MDGA2: variants seen among roughly 807,000 people sequenced by gnomAD.
The protein encoded by MDGA2 is MAM domain-containing glycosylphosphatidylinositol anchor protein 2.
Under a neutral mutation model 117.8 loss-of-function variants are expected in MDGA2, and 40 were observed. The ratio of observed to expected loss-of-function variants is 0.34; its 90% CI spans 0.26 to 0.44. The LOEUF is 0.44. Among genes scored for constraint, MDGA2 ranks in the 20% least tolerant of loss-of-function variants. The pLI is 1.00. For synonymous variants in MDGA2, 452 were observed against 439.0 expected (o/e 1.03, Z -0.37); for missense variants, 1,123 against 1,250.6 (o/e 0.90, Z 1.54).
intron 1 of MDGA2, among the ~76,000 whole-genome samples, chr14:47,483,049 A>G (rs1004295890): frequency 2.0e-5 from 3 of 152,092 alleles, no homozygotes; most frequent in Non-Finnish European, 4.4e-5. Context: ...CTGACATTTT[A>G]TGACATACTT....
intron 1 of MDGA2, among the ~76,000 whole-genome samples, chr14:47,561,329 C>G (rs1242222624): frequency 6.6e-6 from 1 of 151,614 alleles, no homozygotes; most frequent in Non-Finnish European, 1.5e-5. Flanking sequence ...GGCAGCATAG[C>G]CATTTTAACG....
intron 8 of MDGA2, among the ~76,000 whole-genome samples, chr14:47,024,359 A>C (rs1888398056): frequency 6.6e-6 from 1 of 152,216 alleles, no homozygotes; most frequent in Admixed American, 6.5e-5. Flanking sequence ...ATATGGCTTC[A>C]AACACTGGAT....
At chr14:47,224,625 C>G (rs1477333154) in intron 2 of MDGA2, among the ~76,000 whole-genome samples, 2 of 152,120 alleles carry the variant, frequency 1.3e-5, no homozygotes, top group East Asian at 3.9e-4. Context: ...ATTATTTGTA[C>G]TCTGAAGGAA....
chr14:47,145,661 T>C (rs1282272217), intron 3 of MDGA2, among the ~76,000 whole-genome samples: 4 of 152,166 alleles, frequency 2.6e-5, no homozygotes, highest in Non-Finnish European at 5.9e-5. Flanking sequence ...AATTTCCTTG[T>C]CAGCAGATCG....
chr14:47,385,824 T>G (rs2138427020), intron 1 of MDGA2, among the ~76,000 whole-genome samples: 1 of 152,316 alleles, frequency 6.6e-6, no homozygotes. Context: ...TGATAGCAAC[T>G]GAGGCAGTTG....
At position 46,947,853 on chromosome 14, in the gene MDGA2, GTTA is replaced by G. The variant is rs532919899; in HGVS notation, c.2089+9518_2089+9520del. On this transcript the variant is annotated intron_variant, in intron 9 of 16. Coordinates refer to ENST00000399232, the MANE Select transcript of MDGA2 (RefSeq NM_001113498.3). ...TTTCTAATTTAAAAAAAAAATCTCA[GTTA>G]TTATTTTTTTCATTTAATTTTATTT... 2.8e-3 allele frequency among the ~76,000 whole-genome samples: 425 copies of G among 151,756 alleles called. 3 individuals are homozygous for G. The highest frequency in any genetic ancestry group is 0.01 in the African/African-American group (416 of 41,382).
chr14:47,378,256 G>GA (rs1484408526), intron 1 of MDGA2, among the ~76,000 whole-genome samples: 2 of 152,108 alleles, frequency 1.3e-5, no homozygotes, highest in African/African-American at 2.4e-5. Flanking sequence ...CAAAGATGGG[G>GA]AAAAAACAGA....
At chr14:47,444,425 G>T in intron 1 of MDGA2, 1 of 192,756 alleles carries the variant, frequency 5.2e-6, no homozygotes, top group South Asian at 1.1e-4. Flanking sequence ...ATAAGAACCT[G>T]ATGTTTGCCT....
chr14:47,612,067 G>A (rs772194052), intron 1 of MDGA2, among the ~76,000 whole-genome samples: 3 of 152,122 alleles, frequency 2.0e-5, no homozygotes, highest in Non-Finnish European at 4.4e-5. Context: ...AGAAACTCCG[G>A]CTATCTTATC....
At chr14:47,597,515 C>T (rs890834049) in intron 1 of MDGA2, among the ~76,000 whole-genome samples, 1 of 151,884 alleles carries the variant, frequency 6.6e-6, no homozygotes, top group African/African-American at 2.4e-5. Flanking sequence ...TCATGGAATA[C>T]ATTAAGTCTT....
intron 10 of MDGA2, among the ~76,000 whole-genome samples, chr14:46,907,001 G>A (rs1223002079): frequency 2.6e-5 from 3 of 114,826 alleles, no homozygotes; most frequent in East Asian, 2.7e-4. Flanking sequence ...TTTTTGAGAC[G>A]AGTCTTGCTC....
At chr14:46,965,219 G>C (rs1885980683) in intron 8 of MDGA2, among the ~76,000 whole-genome samples, 2 of 120,250 alleles carry the variant, frequency 1.7e-5, no homozygotes, top group South Asian at 2.6e-4. Flanking sequence ...CACCGCGCCC[G>C]GCCTATATTT....
At chr14:47,346,512 A>G (rs778009767) in intron 1 of MDGA2, among the ~76,000 whole-genome samples, 6 of 152,168 alleles carry the variant, frequency 3.9e-5, no homozygotes, top group Non-Finnish European at 8.8e-5. Context: ...TTTCTTTCTG[A>G]CCTTGGACAA....
intron 8 of MDGA2, among the ~76,000 whole-genome samples, chr14:46,986,832 T>G (rs923451249): frequency 2.0e-4 from 31 of 152,106 alleles, no homozygotes; most frequent in Non-Finnish European, 3.4e-4. Context: ...ACCTGCCAAG[T>G]GTGTCTGATT....
At chr14:47,175,005 A>G (rs1884369488) in intron 3 of MDGA2, among the ~76,000 whole-genome samples, 3 of 152,186 alleles carry the variant, frequency 2.0e-5, no homozygotes, top group South Asian at 4.1e-4. Flanking sequence ...CTACCATCAG[A>G]GAATACTACA....
chr14:47,142,108 C>G (rs1882745319), intron 4 of MDGA2, among the ~76,000 whole-genome samples: 1 of 152,056 alleles, frequency 6.6e-6, no homozygotes, highest in Admixed American at 6.6e-5. Context: ...GGCCAAGGCC[C>G]CTGTGTTCAT....
chr14:47,291,768 G>A (rs1469753445), intron 2 of MDGA2, among the ~76,000 whole-genome samples: 1 of 152,142 alleles, frequency 6.6e-6, no homozygotes, highest in Non-Finnish European at 1.5e-5. Flanking sequence ...TAAGATTTCT[G>A]CTGAATGCTT....
intron 1 of MDGA2, among the ~76,000 whole-genome samples, chr14:47,608,439 T>C (rs1209563171): frequency 1.3e-5 from 2 of 152,146 alleles, no homozygotes; most frequent in African/African-American, 4.8e-5. Flanking sequence ...GAGAAAATTC[T>C]AAGTGAGGCT....
At chr14:47,158,417 G>A (rs1883498099) in intron 3 of MDGA2, among the ~76,000 whole-genome samples, 1 of 149,734 alleles carries the variant, frequency 6.7e-6, no homozygotes, top group Admixed American at 6.6e-5. Context: ...CGCATATAAT[G>A]TATACAGATT....
Sources: allele counts gnomAD v4.1 joint callset (sites outside exome capture counted in the v4.1 genomes callset), GRCh38; gene constraint gnomAD v4.1.1; transcripts MANE v1.5; gene names NCBI Gene and HGNC (gene_info 2026-07-23, HGNC 2026-07-21).